Variants in ANKHD1 observed in about 807,000 individuals in gnomAD.
ANKHD1 encodes ankyrin repeat and KH domain containing 1.
Under a neutral mutation model 230.5 loss-of-function variants are expected in ANKHD1, and 31 were observed. That is an observed-to-expected ratio of 0.13 (90% CI 0.10 to 0.18). ANKHD1 has a LOEUF of 0.18. Ranked by LOEUF, ANKHD1 falls within the 10% of genes least tolerant of loss-of-function variation. ANKHD1 has a pLI of 1.00. For synonymous variants in ANKHD1, 1,074 were observed against 1,117.6 expected (o/e 0.96, Z 0.78); for missense variants, 2,256 against 3,071.3 (o/e 0.73, Z 6.27).
chr5:140,484,874 TG>T, intron 11 of ANKHD1: 1 of 370,680 alleles, frequency 2.7e-6, no homozygotes, highest in Non-Finnish European at 4.3e-6. Context: ...ATTGGGAGGC[TG>T]GGTAGTGACT....
intron 6 of ANKHD1, among the ~76,000 whole-genome samples, chr5:140,448,137 C>T (rs1774434927): frequency 6.6e-6 from 1 of 152,130 alleles, no homozygotes; most frequent in South Asian, 2.1e-4. Context: ...GAGTTTGAGG[C>T]TGCAGTGAGC....
At chr5:140,484,249 ATG>A (rs1320540971) in intron 11 of ANKHD1, among the ~76,000 whole-genome samples, 1 of 152,244 alleles carries the variant, frequency 6.6e-6, no homozygotes, top group Non-Finnish European at 1.5e-5. Flanking sequence ...AGAAGGAAGA[ATG>A]AATATTTCTA....
At chr5:140,503,594 G>A (rs1319795030) in intron 15 of ANKHD1, among the ~76,000 whole-genome samples, 2 of 90,208 alleles carry the variant, frequency 2.2e-5, no homozygotes, top group Admixed American at 1.7e-4. Flanking sequence ...TTGAGATGGA[G>A]TCTCACTCTG....
At chr5:140,431,810 TATC>T (rs1021003609) in intron 1 of ANKHD1, among the ~76,000 whole-genome samples, 12 of 152,220 alleles carry the variant, frequency 7.9e-5, no homozygotes, top group Non-Finnish European at 1.6e-4. Flanking sequence ...TCAGAGAAGT[TATC>T]AGCCTCTGAA....
At chr5:140,464,646 G>C in intron 9 of ANKHD1, 21 bp from the exon 10 acceptor site, 1 of 1,522,024 alleles carries the variant, frequency 6.6e-7, no homozygotes, top group Non-Finnish European at 8.9e-7. Flanking sequence ...CAAAGTAAAT[G>C]TATGCTTTTT....
At chr5:140,438,414 T>C (rs771572805) in intron 2 of ANKHD1, 47 bp from the exon 3 acceptor site, 6 of 1,473,438 alleles carry the variant, frequency 4.1e-6, no homozygotes, top group Non-Finnish European at 5.4e-6. Flanking sequence ...TTTTATACTT[T>C]TTTTTTTGTT....
In ANKHD1 at chr5:140,526,938, G is replaced by T; in HGVS notation, c.4951G>T (p.Glu1651Ter). 6.2e-7 allele frequency: 1 copy of T among 1,610,232 alleles called. No homozygotes were observed. Among genetic ancestry groups the T allele is most frequent in the Non-Finnish European group, 8.5e-7 (1 of 1,178,802 alleles). The part of the protein sequence containing the change: ...TSKTQTRLEG[E>*]VTPNSLSTSY... ...TTTGTCTCTTCTTAGACTTGAAGGT[G>T]AAGTGACTCCTAATTCCTTGTCAAC... The change falls in exon 27 of 34, where the codon GAA becomes TAA. Residue 1651 changes from glutamate to a stop codon, truncating the protein, a stop_gained. Coordinates refer to ENST00000360839, the MANE Select transcript of ANKHD1 (RefSeq NM_017747.3). LOFTEE classifies it high-confidence loss of function.
At chr5:140,433,438 A>G (rs1035558366) in intron 1 of ANKHD1, among the ~76,000 whole-genome samples, 7 of 152,094 alleles carry the variant, frequency 4.6e-5, no homozygotes, top group East Asian at 1.9e-4. Flanking sequence ...CTCTACCCCT[A>G]TGTCTAACTA....
chr5:140,480,548 A>G (rs1193722254), intron 10 of ANKHD1, among the ~76,000 whole-genome samples: 1 of 152,106 alleles, frequency 6.6e-6, no homozygotes, highest in Non-Finnish European at 1.5e-5. Context: ...GAAAGAGAAA[A>G]GGGTAAAGTA....
rs181362447 is a variant in ANKHD1, at chr5:140,536,238, T to G, written c.7027+700T>G. Among the ~76,000 whole-genome samples, 7 of 152,178 alleles carry G rather than the reference T, an allele frequency of 4.6e-5. No individual in the cohort carries two copies. The East Asian group carries it at 1.4e-3, about 29-fold the overall frequency. ...CCTTCCGAGCAGCTGGGATTACAGG[T>G]GCCTGCCACCACGCCTGGCTAATTT... On this transcript the variant is annotated intron_variant, in intron 30 of 33. Coordinates refer to ENST00000360839, the MANE Select transcript of ANKHD1 (RefSeq NM_017747.3).
intron 24 of ANKHD1, among the ~76,000 whole-genome samples, chr5:140,520,832 A>T (rs1485478496): frequency 6.7e-6 from 1 of 150,162 alleles, no homozygotes; most frequent in Non-Finnish European, 1.5e-5. Context: ...CTAATGCTAG[A>T]TGACGAGTTA....
intron 1 of ANKHD1, among the ~76,000 whole-genome samples, chr5:140,417,165 A>G (rs2126862087): frequency 6.6e-6 from 1 of 151,964 alleles, no homozygotes; most frequent in East Asian, 1.9e-4. Context: ...TTATCCTCAT[A>G]TTGACTAATT....
intron 29 of ANKHD1, chr5:140,531,388 C>T (rs1183520417): frequency 3.0e-6 from 1 of 329,314 alleles, no homozygotes; most frequent in Non-Finnish European, 6.1e-6. Flanking sequence ...TGAGACAAGC[C>T]TGGCCAACAT....
chr5:140,437,988 A>T (rs1374611827), intron 2 of ANKHD1, among the ~76,000 whole-genome samples: 2 of 152,198 alleles, frequency 1.3e-5, no homozygotes, highest in African/African-American at 4.8e-5. Flanking sequence ...ATTTGTAAGA[A>T]TGAATTTAAT....
intron 31 of ANKHD1, 78 bp from the exon 32 acceptor site, chr5:140,538,008 G>A: frequency 6.6e-7 from 1 of 1,519,032 alleles, no homozygotes; most frequent in South Asian, 1.3e-5. Context: ...ATTTGGTCAT[G>A]TTTGGTAATA....
chr5:140,463,752 C>T (rs1177690109), intron 9 of ANKHD1, among the ~76,000 whole-genome samples: 2 of 151,992 alleles, frequency 1.3e-5, no homozygotes, highest in Non-Finnish European at 2.9e-5. Context: ...GCCTACTGGG[C>T]TCAAGCAATT....
chr5:140,472,161 G>A (rs886858390), intron 10 of ANKHD1: 6 of 1,186,194 alleles, frequency 5.1e-6, no homozygotes, highest in Non-Finnish European at 7.4e-6. Context: ...CTGAAGTATC[G>A]GTCACAAGGT....
intron 10 of ANKHD1, among the ~76,000 whole-genome samples, chr5:140,475,935 C>G (rs887552301): frequency 6.6e-6 from 1 of 151,980 alleles, no homozygotes; most frequent in African/African-American, 2.4e-5. Flanking sequence ...ATAATACACT[C>G]AAGGAAATTG....
At chr5:140,407,261 C>G (rs544524574) in intron 1 of ANKHD1, among the ~76,000 whole-genome samples, 62 of 143,570 alleles carry the variant, frequency 4.3e-4, no homozygotes, top group Non-Finnish European at 6.6e-4. Context: ...CGTCACTGCA[C>G]TCCAGCCTGG....
Sources: allele counts gnomAD v4.1 joint callset (sites outside exome capture counted in the v4.1 genomes callset), GRCh38; gene constraint gnomAD v4.1.1; transcripts MANE v1.5; gene names NCBI Gene and HGNC (gene_info 2026-07-23, HGNC 2026-07-21).